Variants in ASAP1 observed in about 807,000 individuals in gnomAD.
The protein encoded by ASAP1 is ArfGAP with SH3 domain, ankyrin repeat and PH domain 1.
ASAP1 carries 43 observed loss-of-function variants against 145.2 expected under a neutral mutation model. The observed-to-expected ratio is 0.30, with a 90% CI of 0.23 to 0.38. The LOEUF (loss-of-function observed/expected upper bound fraction) is 0.38. Among genes scored for constraint, ASAP1 ranks in the 10% least tolerant of loss-of-function variants. The pLI is 1.00. For missense variants in ASAP1, 1,018 were observed against 1,355.3 expected (o/e 0.75, Z 3.91); for synonymous variants, 546 against 515.5 (o/e 1.06, Z -0.80).
chr8:130,125,818 A>G (rs561594540), intron 17 of ASAP1, 138 bp downstream of exon 17: 1 of 803,654 alleles, frequency 1.2e-6, no homozygotes, highest in East Asian at 2.9e-5. Context: ...GTTACATTTT[A>G]AACGTCTACG....
rs55937708 is a variant in ASAP1, at chr8:130,167,627, G to GA, written c.823-6dup. On this transcript the variant is annotated splice_polypyrimidine_tract_variant and splice_region_variant and intron_variant, in intron 10 of 29. Coordinates refer to ENST00000518721, the MANE Select transcript of ASAP1 (RefSeq NM_018482.4). ...TTCATCCTGGGTCTGTTTTATCTAT[G>GA]AAAAAAAAATTACTTCTATTACTTA... is the stretch of plus-strand genomic sequence containing the variant. 571 of 1,584,726 alleles carry GA rather than the reference G, an allele frequency of 3.6e-4. 2 individuals are homozygous for GA. In the Middle Eastern group the frequency reaches 5.9e-3, roughly 16 times the overall value.
chr8:130,067,891 C>T (rs949833166), intron 27 of ASAP1, among the ~76,000 whole-genome samples: 3 of 152,188 alleles, frequency 2.0e-5, no homozygotes, highest in South Asian at 2.1e-4. Flanking sequence ...ATATTAATAG[C>T]GACATAAAAA....
intron 4 of ASAP1, among the ~76,000 whole-genome samples, chr8:130,220,039 T>C (rs571041601): frequency 2.8e-4 from 43 of 152,310 alleles, no homozygotes; most frequent in East Asian, 1.4e-3. Context: ...TCCTCCCACA[T>C]TGGCCACCCA....
At chr8:130,415,828 T>G (rs1829454937) in intron 1 of ASAP1, among the ~76,000 whole-genome samples, 1 of 150,866 alleles carries the variant, frequency 6.6e-6, no homozygotes, top group Non-Finnish European at 1.5e-5. Flanking sequence ...GACCTAACAC[T>G]GGCCCTTCCA....
chr8:130,264,348 C>A (rs1183011407), intron 3 of ASAP1, among the ~76,000 whole-genome samples: 1 of 152,168 alleles, frequency 6.6e-6, no homozygotes, highest in Non-Finnish European at 1.5e-5. Flanking sequence ...TGGTCACCAG[C>A]ACTCTGTCCA....
intron 3 of ASAP1, among the ~76,000 whole-genome samples, chr8:130,290,921 C>A (rs1821906599): frequency 6.6e-6 from 1 of 152,180 alleles, no homozygotes; most frequent in Admixed American, 6.5e-5. Context: ...AGGGTTCATG[C>A]ATTCAATGTG....
intron 3 of ASAP1, among the ~76,000 whole-genome samples, chr8:130,289,123 T>C (rs2137281181): frequency 6.6e-6 from 1 of 152,220 alleles, no homozygotes; most frequent in Middle Eastern, 3.4e-3. Flanking sequence ...GAGGCATAGG[T>C]TGCAGTGAGC....
chr8:130,054,709 A>C lies in ASAP1; in HGVS notation c.*22T>G. The C allele has an allele frequency of 6.2e-7, 1 of 1,604,996 alleles. No homozygotes were observed. Among genetic ancestry groups the C allele is most frequent in the Non-Finnish European group, 8.5e-7 (1 of 1,171,902 alleles). On this transcript the variant is annotated 3_prime_UTR_variant, in exon 30 of 30. Coordinates refer to ENST00000518721, the MANE Select transcript of ASAP1 (RefSeq NM_018482.4). ...GCAGTCTTGCATGAAGGATGTGGACAATCTTAAGGTTCTGCGTTTTGCTAG... is the reference window on the plus strand; with the variant it reads ...GCAGTCTTGCATGAAGGATGTGGACCATCTTAAGGTTCTGCGTTTTGCTAG...
chr8:130,398,635 A>G (rs1377058995), intron 2 of ASAP1, among the ~76,000 whole-genome samples: 1 of 152,256 alleles, frequency 6.6e-6, no homozygotes, highest in Non-Finnish European at 1.5e-5. Flanking sequence ...AGTAGTAGTC[A>G]TAATAGCTAG....
chr8:130,343,176 T>G (rs969452989), intron 3 of ASAP1, among the ~76,000 whole-genome samples: 1 of 152,210 alleles, frequency 6.6e-6, no homozygotes, highest in Non-Finnish European at 1.5e-5. Context: ...TATTTATTTC[T>G]GAGCCCAAGA....
intron 3 of ASAP1, among the ~76,000 whole-genome samples, chr8:130,303,478 A>G (rs1214131778): frequency 6.6e-6 from 1 of 152,082 alleles, no homozygotes; most frequent in African/African-American, 2.4e-5. Context: ...TTAGTTGGTG[A>G]CCAAAAAATG....
At chr8:130,371,818 AAAAC>A (rs1246224101) in intron 2 of ASAP1, among the ~76,000 whole-genome samples, 2 of 152,372 alleles carry the variant, frequency 1.3e-5, no homozygotes, top group African/African-American at 4.8e-5. Context: ...TCAGAGAGGG[AAAAC>A]AAACAAACAA....
intron 3 of ASAP1, among the ~76,000 whole-genome samples, chr8:130,288,227 T>C (rs1363114174): frequency 6.6e-6 from 1 of 152,216 alleles, no homozygotes; most frequent in East Asian, 1.9e-4. Flanking sequence ...CTGATAAAGC[T>C]GAGGCTTTTA....
At chr8:130,071,035 A>G (rs1592733490) in intron 27 of ASAP1, among the ~76,000 whole-genome samples, 1 of 109,164 alleles carries the variant, frequency 9.2e-6, no homozygotes, top group South Asian at 2.9e-4. Flanking sequence ...AGAGAGAGAG[A>G]GAGAGAGAGA....
At chr8:130,230,860 C>T (rs1322328621) in intron 4 of ASAP1, among the ~76,000 whole-genome samples, 6 of 152,108 alleles carry the variant, frequency 3.9e-5, no homozygotes, top group Non-Finnish European at 8.8e-5. Flanking sequence ...CTTACATATG[C>T]TTGTTAAGAA....
chr8:130,240,606 G>A (rs886739934), intron 3 of ASAP1, among the ~76,000 whole-genome samples: 2 of 152,116 alleles, frequency 1.3e-5, no homozygotes, highest in African/African-American at 4.8e-5. Flanking sequence ...ATGATAAAAC[G>A]TGTGCGGGCA....
chr8:130,416,116 A>G (rs1366578717), intron 1 of ASAP1, among the ~76,000 whole-genome samples: 1 of 152,178 alleles, frequency 6.6e-6, no homozygotes, highest in Admixed American at 6.5e-5. Flanking sequence ...ACACCTGGAC[A>G]GGATGCTAAG....
At chr8:130,401,434 A>T (rs1254661028) in intron 2 of ASAP1, among the ~76,000 whole-genome samples, 7 of 151,514 alleles carry the variant, frequency 4.6e-5, no homozygotes, top group Non-Finnish European at 1.0e-4. Flanking sequence ...TAGTAGAGAC[A>T]AGGTTTCGCC....
intron 11 of ASAP1, among the ~76,000 whole-genome samples, chr8:130,162,086 A>C (rs1357139892): frequency 6.6e-6 from 1 of 152,154 alleles, no homozygotes; most frequent in Non-Finnish European, 1.5e-5. Flanking sequence ...AGGTGTGAGC[A>C]CCATGCTCGA....
Sources: gnomAD v4.1 joint callset for allele counts (sites outside exome capture counted in the v4.1 genomes callset) on GRCh38, gnomAD v4.1.1 for gene constraint, MANE v1.5 for transcripts, NCBI Gene and HGNC (gene_info 2026-07-23, HGNC 2026-07-21) for gene names.